Variants in EVL observed in about 807,000 individuals in gnomAD.
The protein encoded by EVL is Enah/Vasp-like.
In EVL, 21 loss-of-function variants were observed where a neutral mutation model predicts 59.6. That is an observed-to-expected ratio of 0.35 (90% CI 0.25 to 0.51). EVL has a LOEUF of 0.51. Among genes scored for constraint, EVL ranks in the 20% least tolerant of loss-of-function variants. The pLI, the probability that EVL is intolerant of heterozygous loss-of-function variation, is 0.97. For missense variants in EVL, 462 were observed against 546.6 expected (o/e 0.85, Z 1.54); for synonymous variants, 198 against 203.5 (o/e 0.97, Z 0.23).
intron 1 of EVL, among the ~76,000 whole-genome samples, chr14:100,005,716 C>T (rs1207200935): frequency 6.6e-6 from 1 of 151,366 alleles, no homozygotes; most frequent in East Asian, 1.9e-4. Context: ...AACCATTGAG[C>T]TTCTTTTAAA....
In EVL at chr14:100,130,837, C is replaced by G. The variant is rs1486584909; in HGVS notation, c.839+1153C>G. Among the ~76,000 whole-genome samples the G allele has an allele frequency of 6.6e-6, 1 of 152,232 alleles. No individual in the cohort carries two copies. The highest frequency in any genetic ancestry group is 1.5e-5 in the Non-Finnish European group (1 of 68,052). On this transcript the variant is annotated intron_variant, in intron 7 of 13. Transcript: ENST00000392920. The surrounding 1 kb of genome is among the most constrained non-coding windows in gnomAD (Gnocchi z 4.8). Reference sequence around the variant, plus strand: ...TCCGCAGCACGGGCGTCTCCGGAGCCTCTACTGGGCCTGGGCGTTTGTACA... The same window carrying G: ...TCCGCAGCACGGGCGTCTCCGGAGCGTCTACTGGGCCTGGGCGTTTGTACA...
chr14:100,141,198 C>T lies in EVL; in HGVS notation c.1113C>T (p.Ser371=), dbSNP rs759271499. 8.1e-6 allele frequency: 13 copies of T among 1,613,722 alleles called. No homozygotes were observed. The highest frequency in any genetic ancestry group is 3.3e-4 in the Middle Eastern group (2 of 6,082). The change falls in exon 12 of 14, where the codon AGC becomes AGT. Residue 371 remains serine, a synonymous_variant. Coordinates refer to ENST00000392920, the MANE Select transcript of EVL (RefSeq NM_016337.3). ...CTCCCAGGATGAAGCCTGCTGGGAG[C>T]GTGAATGACATGGCCCTGGATGCCT... ...QPHSRMKPAG[S]VNDMALDAFD...
chr14:100,029,451 A>T (rs1261620444), intron 1 of EVL, among the ~76,000 whole-genome samples: 2 of 152,202 alleles, frequency 1.3e-5, no homozygotes, highest in Non-Finnish European at 2.9e-5. Flanking sequence ...AGAAAATGTA[A>T]ATATGTGTAA....
At chr14:100,010,976 C>G (rs1181122433) in intron 1 of EVL, among the ~76,000 whole-genome samples, 2 of 152,148 alleles carry the variant, frequency 1.3e-5, no homozygotes, top group Non-Finnish European at 2.9e-5. Flanking sequence ...ATAGTGCCCT[C>G]CTCAACTTTG....
At chr14:100,016,400 G>T (rs1228913468) in intron 1 of EVL, among the ~76,000 whole-genome samples, 1 of 152,032 alleles carries the variant, frequency 6.6e-6, no homozygotes, top group East Asian at 1.9e-4. Context: ...GTGGCGGCAC[G>T]TGCCTGTAAT....
chr14:100,080,316 C>A (rs763062686), intron 1 of EVL, among the ~76,000 whole-genome samples: 5 of 152,218 alleles, frequency 3.3e-5, no homozygotes, highest in Admixed American at 2.0e-4. Context: ...ACAGCTTGGA[C>A]AGGCTTGGTG....
At chr14:99,985,209 C>T (rs895603587) in intron 1 of EVL, among the ~76,000 whole-genome samples, 2 of 151,722 alleles carry the variant, frequency 1.3e-5, no homozygotes, top group Non-Finnish European at 2.9e-5. Flanking sequence ...CCTACATAAG[C>T]CTCAAGGAGT....
chr14:100,102,882 G>T (rs1437148122), intron 3 of EVL, among the ~76,000 whole-genome samples: 2 of 152,118 alleles, frequency 1.3e-5, no homozygotes, highest in African/African-American at 2.4e-5. Context: ...CGGATCACAA[G>T]GTCAAGAGAT....
In EVL at chr14:100,132,857, C is replaced by T; in HGVS notation, c.900+78C>T. 2 of 1,541,388 alleles carry T rather than the reference C, an allele frequency of 1.3e-6. No homozygotes were observed. Among genetic ancestry groups the T allele is most frequent in the Non-Finnish European group, 1.8e-6 (2 of 1,117,940 alleles). On this transcript the variant is annotated intron_variant, in intron 8 of 13. Coordinates refer to ENST00000392920, the MANE Select transcript of EVL (RefSeq NM_016337.3). ...GCCAGGGAGGCTCTCTGGTCTCAGG[C>T]GAGGCCTTTGGGACATGCGTGGGAT...
At chr14:100,039,275 T>C (rs2061432687) in intron 1 of EVL, among the ~76,000 whole-genome samples, 1 of 152,240 alleles carries the variant, frequency 6.6e-6, no homozygotes, top group East Asian at 1.9e-4. Flanking sequence ...GCACTCTTGT[T>C]CCCCATGCTG....
Position 100,108,212 on chromosome 14 carries a change from G to C in EVL, c.358+10554G>C, listed in dbSNP as rs1326935422. On this transcript the variant is annotated intron_variant, in intron 3 of 13. Transcript: ENST00000392920. The surrounding 1 kb of genome is among the most constrained non-coding windows in gnomAD (Gnocchi z 4.1). ...ACTTACAGGCAGACCTTCCCGGGAA[G>C]AGTCAGGCCCAGCTCCATGTGCTCT... The C allele has an allele frequency of 1.3e-5, 2 of 152,232 alleles. No individual in the cohort carries two copies. The highest frequency in any genetic ancestry group is 2.9e-5 in the Non-Finnish European group (2 of 68,050). 9.4% of individuals were successfully genotyped at this position (152,232 alleles called of 1,614,324 possible).
intron 3 of EVL, among the ~76,000 whole-genome samples, chr14:100,115,244 TG>T (rs1887261423): frequency 6.6e-6 from 1 of 152,006 alleles, no homozygotes; most frequent in South Asian, 2.1e-4. Context: ...GCCCAAACAG[TG>T]GGGGTGGGGT....
In EVL at chr14:100,131,240, G is replaced by C. The variant is rs147062950; in HGVS notation, c.840-1479G>C. On this transcript the variant is annotated intron_variant, in intron 7 of 13. Transcript: ENST00000392920. ...ATGCTTTCCCTAAGTCCTAGACCAA[G>C]CTGAGGGGAAGCACCTTTCTGTCTG... is the stretch of plus-strand genomic sequence containing the variant. 1.4e-3 allele frequency among the ~76,000 whole-genome samples: 218 copies of C among 152,350 alleles called. 1 individual carries two copies. The highest frequency in any genetic ancestry group is 5.1e-3 in the African/African-American group (210 of 41,580).
At chr14:100,047,486 G>C (rs2061572289) in intron 1 of EVL, among the ~76,000 whole-genome samples, 1 of 151,918 alleles carries the variant, frequency 6.6e-6, no homozygotes, top group Non-Finnish European at 1.5e-5. Flanking sequence ...TCCAGAGCCA[G>C]AGCTCACACT....
chr14:100,099,943 CTTT>C (rs768464917), intron 3 of EVL, among the ~76,000 whole-genome samples: 1 of 90,116 alleles, frequency 1.1e-5, no homozygotes, highest in Non-Finnish European at 2.0e-5. Context: ...TCTGAAAGTG[CTTT>C]TTTTTTTTGC....
rs1595269905 is a variant in EVL, at chr14:100,143,883, A to G, written c.*145A>G. 2.1e-6 allele frequency: 2 copies of G among 943,986 alleles called. No homozygotes were observed. Among genetic ancestry groups the G allele is most frequent in the Non-Finnish European group, 1.6e-6 (1 of 639,072 alleles). 58.5% of individuals were successfully genotyped at this position (943,986 alleles called of 1,614,324 possible). A position where few individuals can be genotyped will look rare whatever the true frequency, so the allele number is the denominator to read the frequency against. On this transcript the variant is annotated 3_prime_UTR_variant, in exon 14 of 14. Coordinates refer to ENST00000392920, the MANE Select transcript of EVL (RefSeq NM_016337.3). ...GTGAAACGTCCTGACCTGTGATCAC[A>G]CATGACAGTGAGGAAACCAAGTGCA...
At chr14:100,094,215 A>T (rs1885646261) in intron 2 of EVL, among the ~76,000 whole-genome samples, 1 of 152,042 alleles carries the variant, frequency 6.6e-6, no homozygotes, top group Non-Finnish European at 1.5e-5. Flanking sequence ...TTCTCCCTGG[A>T]CCTCATTTCC....
intron 3 of EVL, among the ~76,000 whole-genome samples, chr14:100,121,314 C>T (rs1251394316): frequency 2.0e-5 from 3 of 152,136 alleles, no homozygotes; most frequent in South Asian, 2.1e-4. Flanking sequence ...GAAGCTGTGC[C>T]GGGGGACGGA....
In EVL at chr14:100,044,393, A is replaced by G. The variant is rs551030761; in HGVS notation, c.6-40294A>G. The stretch of plus-strand genomic sequence containing the variant: ...TTCTTATACAGAGATTTTGGCTTAC[A>G]TATACATACAATAACAACGAGAACA... On this transcript the variant is annotated intron_variant, in intron 1 of 13. Transcript: ENST00000402714. Among the ~76,000 whole-genome samples the G allele has an allele frequency of 2.4e-3, 368 of 152,350 alleles. 2 individuals carry two copies. The highest frequency in any genetic ancestry group is 8.5e-3 in the African/African-American group (354 of 41,580).
Sources: gnomAD v4.1 joint callset for allele counts (sites outside exome capture counted in the v4.1 genomes callset) on GRCh38, gnomAD v4.1.1 for gene constraint, Gnocchi (gnomAD v3.1) non-coding constraint, MANE v1.5 for transcripts, NCBI Gene and HGNC (gene_info 2026-07-23, HGNC 2026-07-21) for gene names.